HTR7: variants seen among roughly 807,000 people sequenced by gnomAD.
HTR7 encodes 5-HT-7.
HTR7 carries 16 observed loss-of-function variants against 34.0 expected under a neutral mutation model. The observed-to-expected ratio is 0.47, with a 90% CI of 0.32 to 0.71. HTR7 has a LOEUF of 0.71. Among genes scored for constraint, HTR7 ranks in the 30% least tolerant of loss-of-function variants. The pLI, the probability that HTR7 is intolerant of heterozygous loss-of-function variation, is 0.04. For synonymous variants in HTR7, 265 were observed against 260.2 expected (o/e 1.02, Z -0.18); for missense variants, 504 against 625.5 (o/e 0.81, Z 2.07).
At chr10:90,782,641 T>C (rs1845322298) in intron 1 of HTR7, among the ~76,000 whole-genome samples, 1 of 151,742 alleles carries the variant, frequency 6.6e-6, no homozygotes, top group Non-Finnish European at 1.5e-5. Flanking sequence ...TAAATAATTG[T>C]GCTCTTAAAT....
chr10:90,770,391 A>G (rs1397025560), intron 1 of HTR7, among the ~76,000 whole-genome samples: 1 of 152,110 alleles, frequency 6.6e-6, no homozygotes, highest in Non-Finnish European at 1.5e-5. Context: ...CCAGGCTGCA[A>G]GGAGGCATAG....
intron 1 of HTR7, among the ~76,000 whole-genome samples, chr10:90,767,159 G>A (rs566453196): frequency 2.6e-5 from 4 of 152,324 alleles, no homozygotes; most frequent in Non-Finnish European, 5.9e-5. Flanking sequence ...CAATTGAATA[G>A]GGCTACTGGA....
intron 1 of HTR7, among the ~76,000 whole-genome samples, chr10:90,760,362 TATACAAAGA>T (rs1227258021): frequency 6.6e-6 from 1 of 152,160 alleles, no homozygotes; most frequent in Non-Finnish European, 1.5e-5. Context: ...GAAAGAACGA[TATACAAAGA>T]TTTGTTAAAG....
Position 90,857,511 on chromosome 10 carries a change from G to T in HTR7, c.161C>A (p.Ala54Asp), listed in dbSNP as rs1373477306. Residue 54 changes from alanine to aspartate, a missense_variant, in exon 1 of 4, where the codon GCC (alanine) becomes GAC (aspartate). Ala to Asp is a moderately radical substitution (Grantham distance 126). Around this residue, in one of 4 missense-constraint regions of HTR7, gnomAD observed 139 missense variants for 117.1 expected, o/e 1.19. Transcript: ENST00000336152. The surrounding 1 kb of genome is among the most constrained non-coding windows in gnomAD (Gnocchi z 6.5). ...WAPHLLSEVT[A>D]SPAPTWDAPP... ...CGCGTCCCAGGTGGGCGCCGGGCTGGCTGTCACCTCGCTCAGCAGGTGCGG... is the reference window on the plus strand; with the variant it reads ...CGCGTCCCAGGTGGGCGCCGGGCTGTCTGTCACCTCGCTCAGCAGGTGCGG... The T allele has an allele frequency of 1.6e-5, 25 of 1,611,830 alleles. No individual in the cohort carries two copies. Among genetic ancestry groups the T allele is most frequent in the Non-Finnish European group, 2.0e-5 (24 of 1,179,484 alleles).
At position 90,799,463 on chromosome 10, in the gene HTR7, G is replaced by A. The variant is rs1197243080; in HGVS notation, c.540-49869C>T. On this transcript the variant is annotated intron_variant, in intron 1 of 3. Coordinates refer to ENST00000336152, the MANE Select transcript of HTR7 (RefSeq NM_019859.4). ...AAATACATTGAGCCTGCTGGGTGTC[G>A]GTATCTGTCTGCATTAGATCAAAAC... Among the ~76,000 whole-genome samples the A allele has an allele frequency of 3.9e-5, 6 of 152,076 alleles. No individual in the cohort carries two copies. The East Asian group carries it at 9.6e-4, about 24-fold the overall frequency.
chr10:90,764,796 C>T (rs192367599), intron 1 of HTR7, among the ~76,000 whole-genome samples: 1 of 152,216 alleles, frequency 6.6e-6, no homozygotes, highest in Admixed American at 6.5e-5. Flanking sequence ...ATGATGTTAA[C>T]TAAAAGGATG....
In HTR7 at chr10:90,741,298, A is replaced by T. The variant is rs918458165; in HGVS notation, c.*1184T>A. 3 of 152,604 alleles carry T rather than the reference A, an allele frequency of 2.0e-5. No individual in the cohort carries two copies. Among genetic ancestry groups the T allele is most frequent in the Non-Finnish European group, 2.9e-5 (2 of 68,036 alleles). The allele number at this position is 152,604 out of a possible 1,614,324, so 9.5% of individuals were successfully genotyped here. On this transcript the variant is annotated 3_prime_UTR_variant, in exon 4 of 4. Coordinates refer to ENST00000336152, the MANE Select transcript of HTR7 (RefSeq NM_019859.4). ...AATTACTACATAGTGCCATTTAAAA[A>T]ATATATATCTGCAAAGAGACCTTTT... is the stretch of plus-strand genomic sequence containing the variant.
In HTR7 at chr10:90,742,500, CTT is replaced by C. The variant is rs1564665787; in HGVS notation, c.1420_1421del (p.Lys474GlyfsTer5). The C allele has an allele frequency of 6.3e-7, 1 of 1,599,438 alleles. No individual in the cohort carries two copies. Among genetic ancestry groups the C allele is most frequent in the South Asian group, 1.1e-5 (1 of 90,400 alleles). ...TCTGCTTTCAATCATGAATCATGACCTTTTTTTCTACAGTAGTCAGCATTTTG... is the reference window on the plus strand; with the variant it reads ...TCTGCTTTCAATCATGAATCATGACCTTTTTCTACAGTAGTCAGCATTTTG... Reference protein sequence around the residue: ...ADKMLTTVEKKVMIHD With the variant: ...ADKMLTTVEKXVMIHD On this transcript the variant is annotated frameshift_variant, in exon 4 of 4. Transcript: ENST00000336152. LOFTEE classifies it high-confidence loss of function.
At position 90,857,170 on chromosome 10, in the gene HTR7, C is replaced by T; in HGVS notation, c.502G>A (p.Ala168Thr). ...ATCACGCACAGGGTCATGATCGAGG[C>T]CGTGCAGCACATGACGTCCATGGCG... is the stretch of plus-strand genomic sequence containing the variant. ...FIAMDVMCCT[A>T]SIMTLCVISI... The change falls in exon 1 of 4, where the codon GCC (alanine) becomes ACC (threonine). Residue 168 changes from alanine to threonine, a missense_variant. This residue lies in a region of HTR7 where 154 missense variants were observed against 248.8 expected (regional missense o/e 0.62). Transcript: ENST00000336152. This position sits in a 1 kb window ranked among gnomAD's most constrained non-coding sequence, Gnocchi z 6.5. 2 of 1,611,748 alleles carry T rather than the reference C, an allele frequency of 1.2e-6. No homozygotes were observed. Among genetic ancestry groups the T allele is most frequent in the Non-Finnish European group, 1.7e-6 (2 of 1,178,738 alleles).
At chr10:90,831,367 G>GC in intron 1 of HTR7, among the ~76,000 whole-genome samples, 1 of 151,816 alleles carries the variant, frequency 6.6e-6, no homozygotes, top group African/African-American at 2.4e-5. Context: ...TTGGCGGTGA[G>GC]TGTTACAGCT....
chr10:90,788,744 C>T (rs1346306846), intron 1 of HTR7, among the ~76,000 whole-genome samples: 1 of 152,072 alleles, frequency 6.6e-6, no homozygotes, highest in African/African-American at 2.4e-5. Flanking sequence ...AATAAAGGAG[C>T]ATTTTATTTC....
At chr10:90,806,326 CGG>C (rs1845705878) in intron 1 of HTR7, among the ~76,000 whole-genome samples, 1 of 152,138 alleles carries the variant, frequency 6.6e-6, no homozygotes, top group African/African-American at 2.4e-5. Flanking sequence ...AGGCTGGGCG[CGG>C]TGGCTCACGC....
At chr10:90,825,024 G>A (rs1846047698) in intron 1 of HTR7, among the ~76,000 whole-genome samples, 2 of 152,206 alleles carry the variant, frequency 1.3e-5, no homozygotes, top group South Asian at 4.1e-4. Flanking sequence ...AGTGGGCCTT[G>A]GGCAAGACTC....
At chr10:90,832,961 G>A (rs990243296) in intron 1 of HTR7, among the ~76,000 whole-genome samples, 1 of 152,190 alleles carries the variant, frequency 6.6e-6, no homozygotes, top group Non-Finnish European at 1.5e-5. Context: ...TCCTTCCCTG[G>A]ACTCTCCACT....
intron 1 of HTR7, among the ~76,000 whole-genome samples, chr10:90,811,099 C>G (rs1845800204): frequency 6.6e-6 from 1 of 152,160 alleles, no homozygotes; most frequent in Non-Finnish European, 1.5e-5. Context: ...GAGACTGCCC[C>G]AACCCGAGCG....
chr10:90,759,686 C>A lies in HTR7; in HGVS notation c.540-10092G>T, dbSNP rs200855705. ...CAAAAAAAAAAAAAAAAAAAAAAAA[C>A]CAGGGAAACAATGGCTATTACTGAA... On this transcript the variant is annotated intron_variant, in intron 1 of 3. Transcript: ENST00000336152. Among the ~76,000 whole-genome samples the A allele has an allele frequency of 8.2e-3, 915 of 111,724 alleles. 1 individual carries two copies. The highest frequency in any genetic ancestry group is 0.015 in the East Asian group (49 of 3,266). The allele number at this position is 111,724 out of a possible 152,430, so 73.3% of individuals were successfully genotyped here.
At chr10:90,835,150 T>C (rs770676276) in intron 1 of HTR7, among the ~76,000 whole-genome samples, 2 of 152,234 alleles carry the variant, frequency 1.3e-5, no homozygotes, top group Non-Finnish European at 2.9e-5. Flanking sequence ...TATAGGTATA[T>C]TTGAAATCAC....
intron 1 of HTR7, among the ~76,000 whole-genome samples, chr10:90,780,877 A>C (rs949193990): frequency 6.6e-6 from 1 of 152,244 alleles, no homozygotes; most frequent in East Asian, 1.9e-4. Context: ...TTGTGGGACC[A>C]CATGCTTTAG....
chr10:90,772,765 C>T (rs1454437752), intron 1 of HTR7, among the ~76,000 whole-genome samples: 1 of 152,144 alleles, frequency 6.6e-6, no homozygotes, highest in Non-Finnish European at 1.5e-5. Flanking sequence ...ATTAATTCTG[C>T]CTCATGTTTT....
Sources: gnomAD v4.1 joint callset for allele counts (sites outside exome capture counted in the v4.1 genomes callset) on GRCh38, gnomAD v4.1.1 for gene constraint, gnomAD v4.1.1 regional missense constraint, Gnocchi (gnomAD v3.1) non-coding constraint, MANE v1.5 for transcripts, NCBI Gene and HGNC (gene_info 2026-07-23, HGNC 2026-07-21) for gene names.